GPR135: variants seen among roughly 807,000 people sequenced by gnomAD.
GPR135 encodes the protein G protein-coupled receptor 135.
A neutral mutation model predicts 15.0 loss-of-function variants in GPR135; 17 were observed. The observed-to-expected ratio is 1.13, with a 90% confidence interval of 0.78 to 1.70. The LOEUF (loss-of-function observed/expected upper bound fraction) is 1.70, where lower values mean the gene tolerates loss of function less well. GPR135 is among the 40% of genes most tolerant of loss of function. The pLI is 0.00. For synonymous variants in GPR135, 368 were observed against 349.4 expected, an observed-to-expected ratio of 1.05 and a Z score of -0.59; for missense variants, 776 against 727.0, an observed-to-expected ratio of 1.07 and a Z score of -0.78.
rs1157710748 is a variant in GPR135 at position 59,465,049 on chromosome 14, C to T, written c.178G>A (p.Gly60Arg). Residue 60 changes from glycine to arginine, a missense_variant, in exon 1 of 1, where the codon GGA becomes AGA. Transcript: ENST00000395116. ...AALGNLSDASGGGTAAAPGGG... is the reference protein window; with the variant it reads ...AALGNLSDASRGGTAAAPGGG... ...CCGGGAGCGGCAGCTGTGCCGCCTC[C>T]GCTTGCGTCGCTCAGGTTCCCCAGC... 9 of 1,352,770 alleles carry T rather than the reference C, an allele frequency of 6.7e-6. No individual in the cohort carries two copies. The highest frequency in any genetic ancestry group is 6.3e-5 in the East Asian group (2 of 31,994). 83.8% of individuals were successfully genotyped at this position (1,352,770 alleles called of 1,614,324 possible). A position where few individuals can be genotyped will look rare whatever the true frequency, so the allele number is the denominator to read the frequency against.
chr14:59,458,257 A>G (rs1425280184), downstream of GPR135, among the ~76,000 whole-genome samples: 1 of 152,100 alleles, frequency 6.6e-6, no homozygotes, highest in African/African-American at 2.4e-5. Context: ...TAATTGCCCT[A>G]TTGTTTTTGA....
chr14:59,465,168 T>C lies in GPR135; in HGVS notation c.59A>G (p.His20Arg), dbSNP rs1028899947. ...PASMALLGSQ[H>R]SGAPSAAGPP... Reference sequence around the variant, plus strand: ...GCCGGCCGCGGAGGGGGCGCCGGAGTGCTGGCTGCCCAGTAAGGCCATGCT... The same window carrying C: ...GCCGGCCGCGGAGGGGGCGCCGGAGCGCTGGCTGCCCAGTAAGGCCATGCT... Residue 20 changes from histidine (H) to arginine (R), a missense_variant, in exon 1 of 1, where the codon CAC (histidine) becomes CGC (arginine). His to Arg is a conservative substitution (Grantham distance 29). Transcript: ENST00000395116. The C allele has an allele frequency of 2.3e-6, 3 of 1,323,654 alleles. No homozygotes were observed. Among genetic ancestry groups the C allele is most frequent in the Admixed American group, 6.9e-5 (2 of 28,970 alleles). The allele number at this position is 1,323,654 out of a possible 1,614,324, so 82.0% of individuals were successfully genotyped here. A position where few individuals can be genotyped will look rare whatever the true frequency, so the allele number is the denominator to read the frequency against.
rs1889120159 is a variant in GPR135, at chr14:59,465,237, G to C, written c.-11C>G. On this transcript the variant is annotated 5_prime_UTR_variant, in exon 1 of 1. Transcript: ENST00000395116. ...CTGCGGCTCCTCCATGGGGCCCAGT[G>C]GCGGCCGCGGATCTCCTCATCCCGC... The C allele has an allele frequency of 2.4e-6, 3 of 1,231,466 alleles. No homozygotes were observed. In the East Asian group the frequency reaches 9.6e-5, roughly 40 times the overall value. 76.3% of individuals were successfully genotyped at this position (1,231,466 alleles called of 1,614,324 possible).
At chr14:59,452,893 G>T (rs1393645591) in intron 6 of GPR135, among the ~76,000 whole-genome samples, 2 of 152,118 alleles carry the variant, frequency 1.3e-5, no homozygotes, top group Non-Finnish European at 2.9e-5. Flanking sequence ...TGGAATATTA[G>T]CACTAAAAGG....
rs1211079802 is a variant in GPR135 at position 59,463,699 on chromosome 14, G to A, written c.*43C>T. The A allele has an allele frequency of 2.0e-6, 3 of 1,502,506 alleles. No individual in the cohort carries two copies. The highest frequency in any genetic ancestry group is 2.8e-5 in the African/African-American group (2 of 71,846). 93.1% of individuals were successfully genotyped at this position (1,502,506 alleles called of 1,614,324 possible). ...CCAGAATCTTCCATCATTAAATAAT[G>A]CGAGTGGAAATTTGCCTTCATAAGC... On this transcript the variant is annotated 3_prime_UTR_variant, in exon 1 of 1. Transcript: ENST00000395116.
In GPR135 at chr14:59,463,873, C is replaced by T. The variant is rs1888965133; in HGVS notation, c.1354G>A (p.Gly452Arg). 2 of 1,614,028 alleles carry T rather than the reference C, an allele frequency of 1.2e-6. No individual in the cohort carries two copies. Among genetic ancestry groups the T allele is most frequent in the African/African-American group, 1.3e-5 (1 of 74,962 alleles). ...NRMSSSNPAS[G>R]VAGDVAMWAR... is the part of the protein sequence containing the mutation. ...CACATGGCCACGTCCCCTGCCACTC[C>T]GCTGGCCGGGTTGGAAGAGGACATC... The change falls in exon 1 of 1, where the codon GGA (glycine) becomes AGA (arginine). Residue 452 changes from glycine to arginine, a missense_variant. Coordinates refer to ENST00000395116, the MANE Select transcript of GPR135 (RefSeq NM_022571.6).
At chr14:59,454,744 A>G (rs1361459841) in intron 6 of GPR135, among the ~76,000 whole-genome samples, 1 of 152,188 alleles carries the variant, frequency 6.6e-6, no homozygotes. Context: ...AAGCTGTAAA[A>G]GCCAGAATGA....
At position 59,465,161 on chromosome 14, in the gene GPR135, G is replaced by C; in HGVS notation, c.66C>G (p.Gly22=). The C allele has an allele frequency of 7.5e-7, 1 of 1,331,322 alleles. No homozygotes were observed. The highest frequency in any genetic ancestry group is 9.6e-7 in the Non-Finnish European group (1 of 1,044,244). The allele number at this position is 1,331,322 out of a possible 1,614,324, so 82.5% of individuals were successfully genotyped here. Residue 22 remains glycine, a synonymous_variant, in exon 1 of 1, where the codon GGC becomes GGG. Coordinates refer to ENST00000395116, the MANE Select transcript of GPR135 (RefSeq NM_022571.6). The stretch of plus-strand genomic sequence containing the variant: ...CAGGTGGGCCGGCCGCGGAGGGGGC[G>C]CCGGAGTGCTGGCTGCCCAGTAAGG... ...SMALLGSQHS[G]APSAAGPPGG...
In GPR135 at chr14:59,464,171, C is replaced by T; in HGVS notation, c.1056G>A (p.Leu352=). The change falls in exon 1 of 1, where the codon CTG becomes CTA. Residue 352 remains leucine (L), a synonymous_variant. Transcript: ENST00000395116. ...CCWGPYCFLV[L]LAAARQAQTM... ...TCTGGGCCTGCCGGGCGGCGGCCAG[C>T]AGCACCAGGAAGCAGTAGGGCCCCC... 8 of 1,609,004 alleles carry T rather than the reference C, an allele frequency of 5.0e-6. No individual in the cohort carries two copies. The highest frequency in any genetic ancestry group is 1.1e-5 in the South Asian group (1 of 91,040).
chr14:59,464,824 G>C lies in GPR135; in HGVS notation c.403C>G (p.Arg135Gly). The stretch of plus-strand genomic sequence containing the variant: ...AGGATGAAGGCGTTGGTGACGGTGC[G>C]GAGCTGCCGGTGCTTCACAATCACC... ...MGVIVKHRQL[R>G]TVTNAFILSL... Residue 135 changes from arginine (R) to glycine (G), a missense_variant, in exon 1 of 1, where the codon CGC (arginine) becomes GGC (glycine). By Grantham distance (125) the Arg-to-Gly change is moderately radical. Transcript: ENST00000395116. 6.3e-7 allele frequency: 1 copy of C among 1,587,326 alleles called. No individual in the cohort carries two copies. The highest frequency in any genetic ancestry group is 2.3e-5 in the East Asian group (1 of 43,518).
rs1203701065 is a variant in GPR135 at position 59,461,026 on chromosome 14, AG to A, written c.*2715del. On this transcript the variant is annotated 3_prime_UTR_variant, in exon 1 of 1. Coordinates refer to ENST00000395116, the MANE Select transcript of GPR135 (RefSeq NM_022571.6). ...CTTTTCTTTGATAGCCTCTTCTGAA[AG>A]TGCTACACCTTTTCTTTTCCACAAG... is the stretch of plus-strand genomic sequence containing the variant. 1 of 152,224 alleles carries A rather than the reference AG, an allele frequency of 6.6e-6. No homozygotes were observed. Among genetic ancestry groups the A allele is most frequent in the Non-Finnish European group, 1.5e-5 (1 of 68,036 alleles). 9.4% of individuals were successfully genotyped at this position (152,224 alleles called of 1,614,324 possible).
chr14:59,459,296 T>C (rs1230269178), downstream of GPR135, among the ~76,000 whole-genome samples: 1 of 152,190 alleles, frequency 6.6e-6, no homozygotes, highest in Non-Finnish European at 1.5e-5. Context: ...CCAAAAATAT[T>C]GGAAAAAATT....
chr14:59,464,141 C>T lies in GPR135; in HGVS notation c.1086G>A (p.Met362Ile). 1 of 1,609,618 alleles carries T rather than the reference C, an allele frequency of 6.2e-7. No individual in the cohort carries two copies. Among genetic ancestry groups the T allele is most frequent in the Non-Finnish European group, 8.5e-7 (1 of 1,179,794 alleles). ...CCACGCTGAGGAGCGAGGGGGCCTG[C>T]ATGGTCTGGGCCTGCCGGGCGGCGG... Reference protein sequence around the residue: ...LLAAARQAQTMQAPSLLSVVA... With the variant: ...LLAAARQAQTIQAPSLLSVVA... The change falls in exon 1 of 1, where the codon ATG (methionine) becomes ATA (isoleucine). Residue 362 changes from methionine (M) to isoleucine (I), a missense_variant. Physicochemically the swap from Met to Ile is conservative, Grantham distance 10 (BLOSUM62 1). Coordinates refer to ENST00000395116, the MANE Select transcript of GPR135 (RefSeq NM_022571.6).
Position 59,464,040 on chromosome 14 carries a change from A to T in GPR135, c.1187T>A (p.Met396Lys), listed in dbSNP as rs1011978393. Residue 396 changes from methionine to lysine, a missense_variant, in exon 1 of 1, where the codon ATG (methionine) becomes AAG (lysine). Coordinates refer to ENST00000395116, the MANE Select transcript of GPR135 (RefSeq NM_022571.6). ...IYAIRNPNIS[M>K]LLGRNREEGY... ...CTCCTCGCGGTTGCGCCCTAGGAGC[A>T]TCGAAATGTTGGGATTGCGGATGGC... 17 of 1,613,718 alleles carry T rather than the reference A, an allele frequency of 1.1e-5. No individual in the cohort carries two copies. The highest frequency in any genetic ancestry group is 1.4e-5 in the Non-Finnish European group (16 of 1,180,030).
chr14:59,460,433 C>T (rs923428477), downstream of GPR135: 1 of 152,182 alleles, frequency 6.6e-6, no homozygotes, highest in African/African-American at 2.4e-5. Context: ...TCTTCCTTGT[C>T]ACTTTTCCAG....
At chr14:59,452,975 C>G (rs1888539381) in intron 6 of GPR135, among the ~76,000 whole-genome samples, 3 of 152,150 alleles carry the variant, frequency 2.0e-5, no homozygotes, top group Admixed American at 2.0e-4. Context: ...AAAAGCCAAT[C>G]TGAAAAGGCT....
chr14:59,456,168 T>A (rs1039188873), downstream of GPR135, among the ~76,000 whole-genome samples: 21 of 152,102 alleles, frequency 1.4e-4, no homozygotes, highest in African/African-American at 5.1e-4. Context: ...TCTGATGGTA[T>A]TCTTGGGCTG....
Position 59,464,106 on chromosome 14 carries a change from C to G in GPR135, c.1121G>C (p.Trp374Ser). 1 of 1,611,788 alleles carries G rather than the reference C, an allele frequency of 6.2e-7. No individual in the cohort carries two copies. The highest frequency in any genetic ancestry group is 8.5e-7 in the Non-Finnish European group (1 of 1,179,988). ...APSLLSVVAVWLTWANGAINP... is the reference protein window; with the variant it reads ...APSLLSVVAVSLTWANGAINP... ...GATGGCCCCATTGGCCCAGGTCAGCCAGACGGCCACCACGCTGAGGAGCGA... is the reference window on the plus strand; with the variant it reads ...GATGGCCCCATTGGCCCAGGTCAGCGAGACGGCCACCACGCTGAGGAGCGA... Residue 374 changes from tryptophan (W) to serine (S), a missense_variant, in exon 1 of 1, where the codon TGG (tryptophan) becomes TCG (serine). Transcript: ENST00000395116.
chr14:59,456,842 T>C (rs912747560), downstream of GPR135, among the ~76,000 whole-genome samples: 8 of 152,132 alleles, frequency 5.3e-5, no homozygotes, highest in African/African-American at 1.7e-4. Context: ...GAATATATCA[T>C]AGGGAACAAT....
Sources: gnomAD v4.1 joint callset for allele counts (sites outside exome capture counted in the v4.1 genomes callset) on GRCh38, gnomAD v4.1.1 for gene constraint, MANE v1.5 for transcripts, NCBI Gene and HGNC (gene_info 2026-07-23, HGNC 2026-07-21) for gene names.